The following MAP2K4 variants were observed in gnomAD, a reference collection of about 807,000 sequenced individuals.
MAP2K4 encodes the protein mitogen-activated protein kinase kinase 4.
Under a neutral mutation model 48.5 loss-of-function variants are expected in MAP2K4, and 4 were observed. The observed-to-expected ratio is 0.08, with a 90% CI of 0.04 to 0.19. The LOEUF (loss-of-function observed/expected upper bound fraction) is 0.19. MAP2K4 is among the 10% of genes least tolerant of loss of function. The pLI is 1.00. For synonymous variants in MAP2K4, 166 were observed against 173.1 expected (o/e 0.96, Z 0.32); for missense variants, 258 against 493.3 (o/e 0.52, Z 4.52).
chr17:12,113,661 A>G (rs1475303697), intron 7 of MAP2K4, among the ~76,000 whole-genome samples: 1 of 152,206 alleles, frequency 6.6e-6, no homozygotes, highest in African/African-American at 2.4e-5. Flanking sequence ...AACTTCTCAG[A>G]AAGTTCCCAC....
At chr17:12,058,917 C>G (rs77432507) in intron 2 of MAP2K4, among the ~76,000 whole-genome samples, 2,074 of 152,186 alleles carry the variant, frequency 0.014, 16 homozygotes, top group East Asian at 0.047. Context: ...GTCTTTTAAA[C>G]TAGAGTTCCT....
chr17:12,137,626 GAGGTTCTA>G (rs1973246924), intron 9 of MAP2K4, among the ~76,000 whole-genome samples: 1 of 152,148 alleles, frequency 6.6e-6, no homozygotes, highest in African/African-American at 2.4e-5. Flanking sequence ...TGCAGAGTTA[GAGGTTCTA>G]AGATGCATGT....
intron 8 of MAP2K4, among the ~76,000 whole-genome samples, chr17:12,127,303 C>T (rs1446860611): frequency 6.6e-6 from 1 of 152,116 alleles, no homozygotes; most frequent in Admixed American, 6.6e-5. Context: ...GGATCTCGGG[C>T]ATCTTTTAGG....
At chr17:12,022,959 C>G (rs559386889) in intron 1 of MAP2K4, among the ~76,000 whole-genome samples, 1 of 152,252 alleles carries the variant, frequency 6.6e-6, no homozygotes, top group East Asian at 1.9e-4. Flanking sequence ...TCTAGGAACT[C>G]CTAAGGCAGT....
chr17:12,117,171 C>T (rs8082104), intron 7 of MAP2K4, among the ~76,000 whole-genome samples: 27,813 of 152,034 alleles, frequency 0.18, 2,754 homozygotes, highest in Middle Eastern at 0.3. Context: ...GTGCATATCT[C>T]CCAAGAAAAA....
chr17:12,085,453 T>C (rs1449928734), intron 3 of MAP2K4, among the ~76,000 whole-genome samples: 1 of 151,796 alleles, frequency 6.6e-6, no homozygotes, highest in African/African-American at 2.4e-5. Flanking sequence ...GATCTGTTGT[T>C]TGAGGGTAGG....
intron 9 of MAP2K4, among the ~76,000 whole-genome samples, chr17:12,138,778 G>C (rs1290916943): frequency 6.6e-6 from 1 of 152,152 alleles, no homozygotes; most frequent in African/African-American, 2.4e-5. Flanking sequence ...ACGAGATTGG[G>C]CAGAAGAAGT....
intron 2 of MAP2K4, among the ~76,000 whole-genome samples, chr17:12,056,964 C>G (rs1172642718): frequency 6.6e-6 from 1 of 151,950 alleles, no homozygotes; most frequent in Non-Finnish European, 1.5e-5. Flanking sequence ...GAATATAAAA[C>G]TTGTTCATGA....
intron 9 of MAP2K4, among the ~76,000 whole-genome samples, chr17:12,134,821 G>C (rs1188516445): frequency 1.3e-5 from 2 of 152,172 alleles, no homozygotes; most frequent in African/African-American, 4.8e-5. Flanking sequence ...GGAGGAATGT[G>C]GTTACTTCAC....
intron 1 of MAP2K4, among the ~76,000 whole-genome samples, chr17:12,052,590 T>G (rs565988221): frequency 1.3e-5 from 2 of 152,204 alleles, no homozygotes; most frequent in Non-Finnish European, 2.9e-5. Context: ...GTTTTCACAA[T>G]AGTTCTTTGT....
rs544489499 is a variant in MAP2K4, at chr17:12,077,894, ACT to A, written c.219-3459_219-3458del. On this transcript the variant is annotated intron_variant, in intron 2 of 10. Coordinates refer to ENST00000353533, the MANE Select transcript of MAP2K4 (RefSeq NM_003010.4). Reference sequence around the variant, plus strand: ...CTTGGTTTATAGGTGGCCACCTCTCACTCTGAGCTCAAGTGACCTCTTGTGCA... The same window carrying A: ...CTTGGTTTATAGGTGGCCACCTCTCACTGAGCTCAAGTGACCTCTTGTGCA... Among the ~76,000 whole-genome samples, 22 of 152,114 alleles carry A rather than the reference ACT, an allele frequency of 1.4e-4. No homozygotes were observed. In the South Asian group the frequency reaches 4.4e-3, roughly 30 times the overall value.
At chr17:12,066,924 G>T (rs990516117) in intron 2 of MAP2K4, among the ~76,000 whole-genome samples, 4 of 152,246 alleles carry the variant, frequency 2.6e-5, no homozygotes, top group Admixed American at 2.6e-4. Context: ...TGATCCGCCC[G>T]CCTCGGCCTC....
chr17:12,032,521 T>C (rs1464235403), intron 1 of MAP2K4, among the ~76,000 whole-genome samples: 1 of 152,132 alleles, frequency 6.6e-6, no homozygotes, highest in African/African-American at 2.4e-5. Flanking sequence ...TATAGGTATT[T>C]AGATGTATAT....
In MAP2K4 at chr17:12,081,559, C is replaced by T. The variant is rs377759673; in HGVS notation, c.393+29C>T. 3.1e-6 allele frequency: 5 copies of T among 1,606,866 alleles called. No homozygotes were observed. Among genetic ancestry groups the T allele is most frequent in the Non-Finnish European group, 3.4e-6 (4 of 1,175,170 alleles). ...GGTGATGCCATGATTATTTTTGGTA[C>T]TTTAATCCATTAGGTGAAATTTCAT... On this transcript the variant is annotated intron_variant, in intron 3 of 10. Coordinates refer to ENST00000353533, the MANE Select transcript of MAP2K4 (RefSeq NM_003010.4). The surrounding 1 kb of genome is among the most constrained non-coding windows in gnomAD (Gnocchi z 4.2).
chr17:12,080,640 T>C (rs1425174738), intron 2 of MAP2K4, among the ~76,000 whole-genome samples: 1 of 152,176 alleles, frequency 6.6e-6, no homozygotes, highest in Admixed American at 6.5e-5. Context: ...GAATAGCACA[T>C]GGCAATTTTC....
intron 8 of MAP2K4, 51 bp from the exon 9 acceptor site, chr17:12,129,088 G>A: frequency 1.3e-6 from 2 of 1,590,562 alleles, no homozygotes; most frequent in Non-Finnish European, 1.7e-6. Context: ...CCAGTGGGGA[G>A]TAGTAAATGA....
chr17:12,115,990 G>A (rs1972481373), intron 7 of MAP2K4: 2 of 385,470 alleles, frequency 5.2e-6, no homozygotes, highest in East Asian at 6.1e-5. Flanking sequence ...CTGTTTTGTG[G>A]CACTCTAAAA....
rs2151598733 is a variant in MAP2K4, at chr17:12,139,894, G to A, written c.1086+10G>A. 3.2e-6 allele frequency: 5 copies of A among 1,584,216 alleles called. No homozygotes were observed. Among genetic ancestry groups the A allele is most frequent in the Non-Finnish European group, 4.3e-6 (5 of 1,162,712 alleles). ...GTATAAAGAGCTTCTGGTGAGTGTG[G>A]GACTGTGGGGATTGTAGGTACATCC... is the stretch of plus-strand genomic sequence containing the variant. On this transcript the variant is annotated intron_variant, in intron 10 of 10. Transcript: ENST00000353533.
In MAP2K4 at chr17:12,137,866, A is replaced by AATG. The variant is rs200768693; in HGVS notation, c.1041-1970_1041-1968dup. ...TTCTGTAGTTTTGCTTCAGTGCATA[A>AATG]ATGATAAACAAAGGTATAAATTTAC... On this transcript the variant is annotated intron_variant, in intron 9 of 10. Transcript: ENST00000353533. Among the ~76,000 whole-genome samples the AATG allele has an allele frequency of 6.2e-3, 939 of 152,086 alleles. 2 individuals carry two copies. Among genetic ancestry groups the AATG allele is most frequent in the East Asian group, 0.036 (186 of 5,186 alleles).
Sources: allele counts gnomAD v4.1 joint callset (sites outside exome capture counted in the v4.1 genomes callset), GRCh38; gene constraint gnomAD v4.1.1; non-coding constraint Gnocchi (gnomAD v3.1); transcripts MANE v1.5; gene names NCBI Gene and HGNC (gene_info 2026-07-23, HGNC 2026-07-21).